Variants in PASK observed in about 807,000 individuals in gnomAD.
PASK encodes PAS domain-containing serine/threonine-protein kinase.
PASK carries 110 observed loss-of-function variants against 121.0 expected under a neutral mutation model. The ratio of observed to expected loss-of-function variants is 0.91; its 90% CI spans 0.78 to 1.06. PASK has a LOEUF of 1.06. PASK is among the 50% of genes least tolerant of loss of function. PASK has a pLI of 0.00. For synonymous variants in PASK, 686 were observed against 717.8 expected (o/e 0.96, Z 0.71); for missense variants, 1,643 against 1,702.3 (o/e 0.97, Z 0.61).
At chr2:241,129,813 A>G (rs2066042080) in intron 9 of PASK, among the ~76,000 whole-genome samples, 1 of 152,124 alleles carries the variant, frequency 6.6e-6, no homozygotes, top group Admixed American at 6.5e-5. Flanking sequence ...TGGGACCTCA[A>G]CCCAGGGCAG....
At chr2:241,138,317 C>G (rs2066537534) in intron 5 of PASK, among the ~76,000 whole-genome samples, 1 of 152,240 alleles carries the variant, frequency 6.6e-6, no homozygotes, top group Admixed American at 6.5e-5. Context: ...TGGCCCACAC[C>G]ACAGCTCATT....
rs528024638 is a variant in PASK at position 241,123,174 on chromosome 2, C to CT, written c.2905-276dup. On this transcript the variant is annotated intron_variant, in intron 11 of 17. Transcript: ENST00000234040. ...GGCCTAGGCAGATTTAAAGTGGCTT[C>CT]TTTTTTTTTTTTTTTTTTTTAGACG... 2.6e-3 allele frequency among the ~76,000 whole-genome samples: 346 copies of CT among 132,940 alleles called. 1 individual carries two copies. The highest frequency in any genetic ancestry group is 7.6e-3 in the Middle Eastern group (2 of 264). 87.2% of individuals were successfully genotyped at this position (132,940 alleles called of 152,430 possible). A position where few individuals can be genotyped will look rare whatever the true frequency, so the allele number is the denominator to read the frequency against.
chr2:241,140,777 C>A (rs1255138543), intron 2 of PASK, 24 bp from the exon 3 acceptor site: 1 of 1,504,356 alleles, frequency 6.6e-7, no homozygotes, highest in Admixed American at 1.7e-5. Context: ...CGAAGCGAAG[C>A]TTTAGACTTC....
chr2:241,116,147 CA>C (rs1255524885), intron 12 of PASK, among the ~76,000 whole-genome samples: 3,188 of 143,194 alleles, frequency 0.022, 413 homozygotes, highest in African/African-American at 0.065. Flanking sequence ...ACCCAGTCCT[CA>C]AGCATCCCAT....
Position 241,126,558 on chromosome 2 carries a change from TC to T in PASK, c.2356del (p.Glu786AsnfsTer15). The T allele has an allele frequency of 6.2e-7, 1 of 1,614,248 alleles. No individual in the cohort carries two copies. Among genetic ancestry groups the T allele is most frequent in the African/African-American group, 1.3e-5 (1 of 75,062 alleles). ...GTCATCCAGGACACACGACCCCTGT[TC>T]CTGGAGACTGCCTACATCTGGATCG... ...GSDPDVGSLQ[E>X]QGSCVLDDRE... is the part of the protein sequence containing the mutation. On this transcript the variant is annotated frameshift_variant, in exon 10 of 18. Coordinates refer to ENST00000234040, the MANE Select transcript of PASK (RefSeq NM_015148.4). LOFTEE classifies it high-confidence loss of function.
chr2:241,108,223 C>A lies in PASK; in HGVS notation c.3611G>T (p.Cys1204Phe), dbSNP rs2064967085. 6.2e-7 allele frequency: 1 copy of A among 1,613,922 alleles called. No individual in the cohort carries two copies. Among genetic ancestry groups the A allele is most frequent in the African/African-American group, 1.3e-5 (1 of 74,888 alleles). ...YTLVFEENPFCELEETVEAAI... is the reference protein window; with the variant it reads ...YTLVFEENPFFELEETVEAAI... ...AGCCTCCACGGTCTCCTCCAGCTCA[C>A]AGAAGGGGTTCTCCTCAAAGACCAG... The change falls in exon 16 of 18, where the codon TGT becomes TTT. Residue 1204 changes from cysteine (C) to phenylalanine (F), a missense_variant. Around this residue, in one of 3 missense-constraint regions of PASK, gnomAD observed 453 missense variants for 511.2 expected, o/e 0.89. Transcript: ENST00000234040. This position sits in a 1 kb window ranked among gnomAD's most constrained non-coding sequence, Gnocchi z 5.2.
At chr2:241,124,619 T>C (rs2065770640) in intron 10 of PASK, among the ~76,000 whole-genome samples, 1 of 152,264 alleles carries the variant, frequency 6.6e-6, no homozygotes, top group Non-Finnish European at 1.5e-5. Flanking sequence ...CATACCCACT[T>C]ACATAGAGAA....
At chr2:241,107,251 G>C in intron 17 of PASK, 102 bp downstream of exon 17, 1 of 1,008,514 alleles carries the variant, frequency 9.9e-7, no homozygotes, top group East Asian at 2.4e-5. Flanking sequence ...CAGCATGGGG[G>C]AGAGAGCCTC....
At chr2:241,129,175 G>C (rs563001336) in intron 9 of PASK, among the ~76,000 whole-genome samples, 2 of 152,106 alleles carry the variant, frequency 1.3e-5, no homozygotes, top group Non-Finnish European at 2.9e-5. Context: ...TGCACACCAC[G>C]AGGGTCTCAC....
chr2:241,120,848 T>C (rs956319301), intron 12 of PASK, among the ~76,000 whole-genome samples: 3 of 152,208 alleles, frequency 2.0e-5, no homozygotes, highest in African/African-American at 7.2e-5. Context: ...TGAAAACATA[T>C]GTTCACACAA....
chr2:241,130,070 C>T (rs777203642), intron 9 of PASK, among the ~76,000 whole-genome samples: 1 of 152,190 alleles, frequency 6.6e-6, no homozygotes, highest in Non-Finnish European at 1.5e-5. Flanking sequence ...AACACAAAAG[C>T]ACTCCGTACA....
At chr2:241,142,627 A>T (rs6706050) in intron 2 of PASK, among the ~76,000 whole-genome samples, 14 of 152,366 alleles carry the variant, frequency 9.2e-5, no homozygotes, top group African/African-American at 3.4e-4. Context: ...AAGAAGCGCC[A>T]GCTGCCTGGG....
chr2:241,148,297 A>G (rs7577489), intron 1 of PASK, among the ~76,000 whole-genome samples: 27,561 of 152,054 alleles, frequency 0.18, 5,634 homozygotes, highest in East Asian at 0.78. Flanking sequence ...AACTTCTAGA[A>G]GCAACTGTCC....
intron 1 of PASK, among the ~76,000 whole-genome samples, chr2:241,147,655 TC>T (rs2067016299): frequency 6.6e-6 from 1 of 152,078 alleles, no homozygotes; most frequent in Non-Finnish European, 1.5e-5. Flanking sequence ...ATATAACTAT[TC>T]AGAATATATT....
intron 1 of PASK, 116 bp from the exon 2 acceptor site, chr2:241,143,190 C>T (rs1268155211): frequency 4.4e-6 from 3 of 684,522 alleles, no homozygotes; most frequent in Admixed American, 2.1e-5. Flanking sequence ...CACCACCAAC[C>T]GCCATCCTGG....
chr2:241,118,864 G>T (rs1350580930), intron 12 of PASK: 2 of 930,742 alleles, frequency 2.1e-6, no homozygotes, highest in East Asian at 7.3e-5. Flanking sequence ...GCCATGATGG[G>T]GCACTTCCCG....
intron 10 of PASK, among the ~76,000 whole-genome samples, chr2:241,125,609 G>GAAAAAAAAAAAAAAACAAA (rs2065818179): frequency 8.4e-6 from 1 of 118,400 alleles, no homozygotes. Context: ...CAAAAAAAAA[G>GAAAAAAAAAAAAAAACAAA]AAAAAAAAAA....
Position 241,106,575 on chromosome 2 carries a change from C to A in PASK, c.3963G>T (p.Leu1321=). 6.2e-7 allele frequency: 1 copy of A among 1,614,164 alleles called. No homozygotes were observed. The highest frequency in any genetic ancestry group is 1.1e-5 in the South Asian group (1 of 91,078). The change falls in exon 18 of 18, where the codon CTG becomes CTT. Residue 1321 remains leucine, a synonymous_variant. Coordinates refer to ENST00000234040, the MANE Select transcript of PASK (RefSeq NM_015148.4). ...GCLHPGDPRL[L]TS ...AGGAAGAAATTGGTGTTTAGCTGGTCAGCAGACGGGGATCCCCGGGATGCA... is the reference window on the plus strand; with the variant it reads ...AGGAAGAAATTGGTGTTTAGCTGGTAAGCAGACGGGGATCCCCGGGATGCA...
At chr2:241,134,270 T>G (rs1233481122) in intron 8 of PASK, 1 of 151,994 alleles carries the variant, frequency 6.6e-6, no homozygotes, top group East Asian at 1.9e-4. Flanking sequence ...AGGTCAGAAT[T>G]TGGAATTCTG....
Sources: allele counts gnomAD v4.1 joint callset (sites outside exome capture counted in the v4.1 genomes callset), GRCh38; gene constraint gnomAD v4.1.1; regional missense constraint gnomAD v4.1.1; non-coding constraint Gnocchi (gnomAD v3.1); transcripts MANE v1.5; gene names NCBI Gene and HGNC (gene_info 2026-07-23, HGNC 2026-07-21).